Variants in FAT2 observed in about 807,000 individuals in gnomAD.
The protein encoded by FAT2 is FAT atypical cadherin 2.
A neutral mutation model predicts 295.3 loss-of-function variants in FAT2; 150 were observed. The ratio of observed to expected loss-of-function variants is 0.51; its 90% CI spans 0.44 to 0.58. The LOEUF is 0.58. FAT2 is among the 20% of genes least tolerant of loss of function. The pLI is 0.00. For missense variants in FAT2, 4,868 were observed against 5,442.7 expected (o/e 0.89, Z 3.32); for synonymous variants, 2,026 against 2,150.3 (o/e 0.94, Z 1.60).
chr5:151,519,158 A>G (rs1753184439), intron 19 of FAT2, among the ~76,000 whole-genome samples: 1 of 152,190 alleles, frequency 6.6e-6, no homozygotes, highest in Non-Finnish European at 1.5e-5. Context: ...AGCCTGGTCA[A>G]CGTGGTGAAA....
Position 151,556,413 on chromosome 5 carries a change from G to C in FAT2, c.3575-11C>G, listed in dbSNP as rs1309582525. On this transcript the variant is annotated splice_polypyrimidine_tract_variant and intron_variant, in intron 3 of 23. Transcript: ENST00000261800. ...CTGTAGATAGGAGACCTGAGAGAGA[G>C]ATGATAAGGGAGAGACATGAGCAGA... 2 of 1,609,510 alleles carry C rather than the reference G, an allele frequency of 1.2e-6. No individual in the cohort carries two copies. Among genetic ancestry groups the C allele is most frequent in the South Asian group, 1.1e-5 (1 of 90,704 alleles).
intron 1 of FAT2, among the ~76,000 whole-genome samples, chr5:151,577,779 A>G (rs1758799672): frequency 6.6e-6 from 1 of 152,130 alleles, no homozygotes; most frequent in African/African-American, 2.4e-5. Context: ...GCCCAAAGAG[A>G]GGAAGAGGCG....
Position 151,545,399 on chromosome 5 carries a change from C to G in FAT2, c.5728G>C (p.Gly1910Arg). The G allele has an allele frequency of 1.2e-6, 2 of 1,614,130 alleles. No individual in the cohort carries two copies. The highest frequency in any genetic ancestry group is 1.7e-6 in the Non-Finnish European group (2 of 1,180,024). ...ATGGTAACAGCTTCATCAGCATTGCCAGTTTTGATGCTATAATTGACTTCT... is the reference window on the plus strand; with the variant it reads ...ATGGTAACAGCTTCATCAGCATTGCGAGTTTTGATGCTATAATTGACTTCT... ...DSEVNYSIKT[G>R]NADEAVTIHP... The change falls in exon 10 of 24, where the codon GGC becomes CGC. Residue 1910 changes from glycine to arginine, a missense_variant. Gly to Arg is a moderately radical substitution (Grantham distance 125, BLOSUM62 -2). Coordinates refer to ENST00000261800, the MANE Select transcript of FAT2 (RefSeq NM_001447.3).
In FAT2 at chr5:151,567,250, T is replaced by A. The variant is rs1349983185; in HGVS notation, c.1682A>T (p.Gln561Leu). The A allele has an allele frequency of 6.2e-7, 1 of 1,614,084 alleles. No individual in the cohort carries two copies. The highest frequency in any genetic ancestry group is 8.5e-7 in the Non-Finnish European group (1 of 1,180,038). ...ACAGTTGACTTCTTCAAACATAGGC[T>A]GGTTGTCATTCAAGTTCCTGAGCTG... ...FLQLRNLNDN[Q>L]PMFEEVNCTG... is the part of the protein sequence containing the mutation. The change falls in exon 2 of 24, where the codon CAG becomes CTG. Residue 561 changes from glutamine (Q) to leucine (L), a missense_variant. By Grantham distance (113) the Gln-to-Leu change is moderately radical. Transcript: ENST00000261800.
At chr5:151,549,150 G>A (rs548310116) in intron 9 of FAT2, 145 bp downstream of exon 9, 1 of 695,926 alleles carries the variant, frequency 1.4e-6, no homozygotes, top group East Asian at 2.7e-5. Flanking sequence ...AATTTAGGTA[G>A]TCCCAGGGAA....
In FAT2 at chr5:151,549,374, G is replaced by A. The variant is rs139005657; in HGVS notation, c.4710C>T (p.Pro1570=). 75 of 1,613,802 alleles carry A rather than the reference G, an allele frequency of 4.6e-5. No individual in the cohort carries two copies. The highest frequency in any genetic ancestry group is 3.1e-4 in the African/African-American group (23 of 74,884). The change falls in exon 9 of 24, where the codon CCC becomes CCT. Residue 1570 remains proline (P), a synonymous_variant. Coordinates refer to ENST00000261800, the MANE Select transcript of FAT2 (RefSeq NM_001447.3). ...CTCGGACCTGCAGCAGCTCTGTGCC[G>A]GGGGCTATGGTGTCAGGAACACTTG... The part of the protein sequence containing the change: ...YEASVPDTIA[P]GTELLQVRAM...
At chr5:151,574,018 T>C (rs1162448244) in intron 1 of FAT2, among the ~76,000 whole-genome samples, 1 of 152,174 alleles carries the variant, frequency 6.6e-6, no homozygotes, top group African/African-American at 2.4e-5. Context: ...TTCCAACTCA[T>C]ACGGGCATGG....
intron 11 of FAT2, among the ~76,000 whole-genome samples, chr5:151,538,360 A>G (rs1272179362): frequency 6.6e-6 from 1 of 152,200 alleles, no homozygotes; most frequent in African/African-American, 2.4e-5. Flanking sequence ...GGAAGGTGTC[A>G]GGTCAACCTC....
Position 151,521,762 on chromosome 5 carries a change from T to G in FAT2, c.10831A>C (p.Thr3611Pro). 2 of 1,614,030 alleles carry G rather than the reference T, an allele frequency of 1.2e-6. No individual in the cohort carries two copies. Among genetic ancestry groups the G allele is most frequent in the Non-Finnish European group, 1.7e-6 (2 of 1,180,014 alleles). Residue 3611 changes from threonine to proline, a missense_variant, in exon 19 of 24, where the codon ACG becomes CCG. Transcript: ENST00000261800. ...NVTVSDGTFT[T>P]TAGVHVYVWH... ...ACGTACACATGGACCCCAGCAGTCGTGGTGAAGGTCCCATCGCTGACCGTG... is the reference window on the plus strand; with the variant it reads ...ACGTACACATGGACCCCAGCAGTCGGGGTGAAGGTCCCATCGCTGACCGTG...
Position 151,504,119 on chromosome 5 carries a change from T to TA in FAT2, c.*1445dup, listed in dbSNP as rs34375602. The TA allele has an allele frequency of 0.16, 24,250 of 150,350 alleles. 2,177 individuals carry two copies. Among genetic ancestry groups the TA allele is most frequent in the Non-Finnish European group, 0.21 (14,189 of 67,314 alleles). The allele number at this position is 150,350 out of a possible 1,614,324, so 9.3% of individuals were successfully genotyped here. On this transcript the variant is annotated 3_prime_UTR_variant, in exon 24 of 24. Coordinates refer to ENST00000261800, the MANE Select transcript of FAT2 (RefSeq NM_001447.3). The stretch of plus-strand genomic sequence containing the variant: ...ACAGTAAAAAAAGATACTTTATTGT[T>TA]AAAAAAAAAATGACCAATGAAACTA...
chr5:151,581,772 C>T lies in FAT2; in HGVS notation c.-21+9393G>A, dbSNP rs73275804. On this transcript the variant is annotated intron_variant, in intron 1 of 23. Coordinates refer to ENST00000261800, the MANE Select transcript of FAT2 (RefSeq NM_001447.3). ...TGTGTGTCCAACAGTCCCCCTGGCC[C>T]GCTCCCCATGCCCATGGGTTAGAAA... is the stretch of plus-strand genomic sequence containing the variant. Among the ~76,000 whole-genome samples the T allele has an allele frequency of 6.7e-3, 1,025 of 152,262 alleles. 12 individuals carry two copies. The highest frequency in any genetic ancestry group is 0.024 in the African/African-American group (982 of 41,546).
chr5:151,508,351 C>T (rs141447726), intron 22 of FAT2, among the ~76,000 whole-genome samples: 95 of 152,360 alleles, frequency 6.2e-4, no homozygotes, highest in African/African-American at 2.2e-3. Context: ...CCTCCCAACA[C>T]ATCTCGTGAA....
rs1297368746 is a variant in FAT2 at position 151,568,875 on chromosome 5, C to T, written c.57G>A (p.Glu19=). Residue 19 remains glutamate, a synonymous_variant, in exon 2 of 24, where the codon GAG becomes GAA. Transcript: ENST00000261800. Reference sequence around the variant, plus strand: ...AGGAGAGAATCCCTTCTAGAGGCTTCTCACAGGTCGCACAATGGAGCAAGA... The same window carrying T: ...AGGAGAGAATCCCTTCTAGAGGCTTTTCACAGGTCGCACAATGGAGCAAGA... ...AIFLLHCATC[E]KPLEGILSSS... 1 of 1,613,988 alleles carries T rather than the reference C, an allele frequency of 6.2e-7. No homozygotes were observed. The highest frequency in any genetic ancestry group is 8.5e-7 in the Non-Finnish European group (1 of 1,179,962).
In FAT2 at chr5:151,567,954, A is replaced by T. The variant is rs1219675249; in HGVS notation, c.978T>A (p.Leu326=). The change falls in exon 2 of 24, where the codon CTT becomes CTA. Residue 326 remains leucine (L), a synonymous_variant. Transcript: ENST00000261800. ...CCTGGAGGCTGAGGTTGAACCCATG[A>T]AGGTACTCCATCCAGTTGATGTCTT... ...SVKDINWMEY[L]HGFNLSLQAR... 2 of 1,614,168 alleles carry T rather than the reference A, an allele frequency of 1.2e-6. No individual in the cohort carries two copies.
At position 151,543,862 on chromosome 5, in the gene FAT2, T is replaced by C; in HGVS notation, c.7265A>G (p.Asn2422Ser). 6 of 1,614,198 alleles carry C rather than the reference T, an allele frequency of 3.7e-6. No homozygotes were observed. Among genetic ancestry groups the C allele is most frequent in the Non-Finnish European group, 5.1e-6 (6 of 1,180,030 alleles). ...GTTAATGAAGAAGTGCCTGTCCTGA[T>C]TGCCAGAAAGAATCAGGTACTCCAG... ...SRLEYLILSGNQDRHFFINSS... is the reference protein window; with the variant it reads ...SRLEYLILSGSQDRHFFINSS... The change falls in exon 10 of 24, where the codon AAT becomes AGT. Residue 2422 changes from asparagine to serine, a missense_variant. Around this residue, in one of 5 missense-constraint regions of FAT2, gnomAD observed 3,297 missense variants for 3,669.4 expected, o/e 0.90. Coordinates refer to ENST00000261800, the MANE Select transcript of FAT2 (RefSeq NM_001447.3).
rs1267278162 is a variant in FAT2 at position 151,510,174 on chromosome 5, C to A, written c.11906G>T (p.Gly3969Val). The change falls in exon 22 of 24, where the codon GGC becomes GTC. Residue 3969 changes from glycine to valine, a missense_variant and splice_region_variant. Coordinates refer to ENST00000261800, the MANE Select transcript of FAT2 (RefSeq NM_001447.3). ...CTGTGGGGGACATTTGCAGACATAG[C>A]CTAGGAGAAAAAGAAGGGAGGTGAG... Reference protein sequence around the residue: ...GGKCSWTHGAGYVCKCPPQFS... With the variant: ...GGKCSWTHGAVYVCKCPPQFS... 6.2e-7 allele frequency: 1 copy of A among 1,613,730 alleles called. No individual in the cohort carries two copies. Among genetic ancestry groups the A allele is most frequent in the Non-Finnish European group, 8.5e-7 (1 of 1,179,884 alleles).
intron 12 of FAT2, among the ~76,000 whole-genome samples, 180 bp downstream of exon 12, chr5:151,537,613 T>C (rs1248401507): frequency 6.6e-6 from 1 of 152,216 alleles, no homozygotes; most frequent in Non-Finnish European, 1.5e-5. Flanking sequence ...AAGGCCCAAA[T>C]CTTGTCTTAT....
At chr5:151,514,994 A>G (rs1752704428) in intron 20 of FAT2, among the ~76,000 whole-genome samples, 1 of 152,178 alleles carries the variant, frequency 6.6e-6, no homozygotes, top group Admixed American at 6.5e-5. Flanking sequence ...TTTTTAAAAA[A>G]GGTTGTCTTC....
intron 2 of FAT2, 26 bp downstream of exon 2, chr5:151,565,647 A>ACGGGCCCCCCC: frequency 6.8e-7 from 1 of 1,461,026 alleles, no homozygotes; most frequent in Non-Finnish European, 9.3e-7. Flanking sequence ...TGGCCCTGGC[A>ACGGGCCCCCCC]CCCCACCCTA....
Sources: allele counts gnomAD v4.1 joint callset (sites outside exome capture counted in the v4.1 genomes callset), GRCh38; gene constraint gnomAD v4.1.1; regional missense constraint gnomAD v4.1.1; transcripts MANE v1.5; gene names NCBI Gene and HGNC (gene_info 2026-07-23, HGNC 2026-07-21).